CYBB: variants seen among roughly 807,000 people sequenced by gnomAD.
CYBB encodes the protein cytochrome b-245 beta chain, also known as NADPH oxidase 2.
CYBB carries 5 observed loss-of-function variants against 46.5 expected under a neutral mutation model. The ratio of observed to expected loss-of-function variants is 0.11; its 90% CI spans 0.06 to 0.23. The LOEUF is 0.23. CYBB is among the 10% of genes least tolerant of loss of function. The probability of loss-of-function intolerance (pLI) is 1.00; values close to 1 mark genes in which losing one functional copy is unlikely to be tolerated. For synonymous variants in CYBB, 183 were observed against 156.7 expected, an observed-to-expected ratio of 1.17 and a Z score of -1.26; for missense variants, 307 against 428.3, an observed-to-expected ratio of 0.72 and a Z score of 2.50.
chrX:37,805,390 T>G (rs1336631515), intron 10 of CYBB, among the ~76,000 whole-genome samples: 1 of 112,056 alleles, frequency 8.9e-6, no homozygotes, highest in Non-Finnish European at 1.9e-5. Context: ...ATTGTATTTG[T>G]ATAGTGTTGC....
In CYBB at chrX:37,798,659, T is replaced by G. The variant is rs34602937; in HGVS notation, c.675-296T>G. ...TTTTCTGCTTTTGTTTGTTTGTAAATGAAAATGATACTTGAGACAGAAGTA... is the reference window on the plus strand; with the variant it reads ...TTTTCTGCTTTTGTTTGTTTGTAAAGGAAAATGATACTTGAGACAGAAGTA... On this transcript the variant is annotated intron_variant, in intron 6 of 12. Transcript: ENST00000378588. 6.5e-3 allele frequency among the ~76,000 whole-genome samples: 731 copies of G among 112,392 alleles called. 4 individuals carry two copies. The highest frequency in any genetic ancestry group is 0.023 in the African/African-American group (705 of 30,950).
chrX:37,788,726 AT>A (rs1929129710), intron 3 of CYBB, among the ~76,000 whole-genome samples: 1 of 111,426 alleles, frequency 9.0e-6, no homozygotes, highest in Non-Finnish European at 1.9e-5. Context: ...TTGCTCTGAA[AT>A]GTGTAATTCA....
At chrX:37,803,161 G>A (rs1929480148) in intron 8 of CYBB, among the ~76,000 whole-genome samples, 1 of 111,520 alleles carries the variant, frequency 9.0e-6, no homozygotes, top group South Asian at 3.7e-4. Flanking sequence ...GACAAAGATA[G>A]ACCAACTTAG....
At position 37,810,651 on chromosome X, in the gene CYBB, C is replaced by A. The variant is rs1158336238; in HGVS notation, c.1587-140C>A. ...CCACACTCCCTCTGAGCAATATGAT[C>A]CCTTTGCTATTTGTGGAAAAGAAAA... On this transcript the variant is annotated intron_variant, in intron 12 of 12. Coordinates refer to ENST00000378588, the MANE Select transcript of CYBB (RefSeq NM_000397.4). The A allele has an allele frequency of 1.6e-5, 9 of 569,718 alleles. No individual in the cohort carries two copies. In the South Asian group the frequency reaches 2.0e-4, roughly 12 times the overall value. 47.0% of individuals were successfully genotyped at this position (569,718 alleles called of 1,213,427 possible).
intron 3 of CYBB, among the ~76,000 whole-genome samples, chrX:37,787,298 G>T (rs782051697): frequency 8.9e-6 from 1 of 112,198 alleles, no homozygotes; most frequent in African/African-American, 3.2e-5. Context: ...TCCCAGTTGC[G>T]TATAAATATC....
chrX:37,798,077 T>C (rs1556468912), intron 6 of CYBB: 1 of 112,041 alleles, frequency 8.9e-6, no homozygotes, highest in Non-Finnish European at 1.9e-5. Context: ...TGAACTTGAA[T>C]TAAAACATTC....
intron 5 of CYBB, among the ~76,000 whole-genome samples, chrX:37,795,219 G>A (rs1186722621): frequency 1.8e-5 from 2 of 111,634 alleles, no homozygotes; most frequent in African/African-American, 3.3e-5. Context: ...GATCTTGGAA[G>A]GTTGGTGGGG....
intron 2 of CYBB, among the ~76,000 whole-genome samples, chrX:37,782,911 G>A (rs782600466): frequency 9.0e-5 from 10 of 111,070 alleles, no homozygotes; most frequent in African/African-American, 9.8e-5. Flanking sequence ...GCTTTCTCCC[G>A]CCAAAATATG....
chrX:37,780,643 T>C (rs1186280499), intron 1 of CYBB, among the ~76,000 whole-genome samples: 2 of 110,671 alleles, frequency 1.8e-5, no homozygotes, highest in African/African-American at 6.5e-5. Flanking sequence ...GAGTTATTTA[T>C]AAGATTTATA....
intron 6 of CYBB, among the ~76,000 whole-genome samples, chrX:37,797,649 G>C (rs1297434089): frequency 2.7e-5 from 3 of 111,575 alleles, no homozygotes; most frequent in African/African-American, 9.8e-5. Flanking sequence ...GTTATTTTTT[G>C]GACTCTTACT....
At chrX:37,808,684 C>G (rs955096986) in intron 11 of CYBB, among the ~76,000 whole-genome samples, 4 of 112,036 alleles carry the variant, frequency 3.6e-5, no homozygotes, top group African/African-American at 1.3e-4. Flanking sequence ...AATTTAAAAA[C>G]AAAACAAAAA....
At chrX:37,809,419 TGAGA>T (rs1229916980) in intron 11 of CYBB, 144 bp from the exon 12 acceptor site, 1 of 625,575 alleles carries the variant, frequency 1.6e-6, no homozygotes, top group African/African-American at 2.2e-5. Context: ...GTAAATTGCT[TGAGA>T]GAGATCCAGT....
At chrX:37,802,981 A>G (rs1929477686) in intron 8 of CYBB, among the ~76,000 whole-genome samples, 1 of 112,123 alleles carries the variant, frequency 8.9e-6, no homozygotes, top group African/African-American at 3.2e-5. Context: ...TAGTTGATGG[A>G]CATTTGGATT....
intron 3 of CYBB, among the ~76,000 whole-genome samples, chrX:37,788,091 T>G (rs998357030): frequency 4.5e-4 from 51 of 112,315 alleles, no homozygotes; most frequent in Admixed American, 3.8e-3. Context: ...TCCACTGTTC[T>G]GGCTTTCAGT....
chrX:37,800,309 T>A (rs5963310), intron 7 of CYBB, among the ~76,000 whole-genome samples: 23,491 of 110,836 alleles, frequency 0.21, 2,093 homozygotes, highest in African/African-American at 0.35. Flanking sequence ...GACTGTTTTA[T>A]ATATCTATCC....
intron 12 of CYBB, 95 bp from the exon 13 acceptor site, chrX:37,810,696 C>A: frequency 1.1e-6 from 1 of 932,159 alleles, no homozygotes; most frequent in Non-Finnish European, 1.5e-6. Context: ...GGGGACTCTG[C>A]CCTGGGGCCT....
At chrX:37,808,621 T>A (rs1929609978) in intron 11 of CYBB, among the ~76,000 whole-genome samples, 1 of 112,123 alleles carries the variant, frequency 8.9e-6, no homozygotes, top group African/African-American at 3.2e-5. Flanking sequence ...TAGGGAAACA[T>A]AACGATAAGA....
intron 10 of CYBB, among the ~76,000 whole-genome samples, chrX:37,805,433 A>T (rs1442684505): frequency 8.9e-6 from 1 of 112,321 alleles, no homozygotes; most frequent in Non-Finnish European, 1.9e-5. Context: ...TTGGGAAAGT[A>T]TTCACAGCCC....
At chrX:37,806,265 CTA>C in intron 10 of CYBB, 120 bp from the exon 11 acceptor site, 1 of 751,231 alleles carries the variant, frequency 1.3e-6, no homozygotes, top group Non-Finnish European at 2.1e-6. Flanking sequence ...TTCTGAAAAT[CTA>C]TGTTTCTAGG....
Sources: gnomAD v4.1 joint callset for allele counts (sites outside exome capture counted in the v4.1 genomes callset) on GRCh38, gnomAD v4.1.1 for gene constraint, MANE v1.5 for transcripts, NCBI Gene and HGNC (gene_info 2026-07-23, HGNC 2026-07-21) for gene names.